The following RAD51B variants were observed in gnomAD, a reference collection of about 807,000 sequenced individuals.
RAD51B encodes DNA repair protein RAD51 homolog 2.
RAD51B carries 38 observed loss-of-function variants against 42.2 expected under a neutral mutation model. The observed-to-expected ratio is 0.90, with a 90% CI of 0.70 to 1.18. The LOEUF (loss-of-function observed/expected upper bound fraction) is 1.18. Among genes scored for constraint, RAD51B ranks in the 50% most tolerant of loss-of-function variants. The pLI, the probability that RAD51B is intolerant of heterozygous loss-of-function variation, is 0.00. For missense variants in RAD51B, 373 were observed against 400.7 expected (o/e 0.93, Z 0.59); for synonymous variants, 154 against 145.2 (o/e 1.06, Z -0.43).
chr14:67,981,116 G>A (rs1012918024), intron 7 of RAD51B, among the ~76,000 whole-genome samples: 6 of 152,196 alleles, frequency 3.9e-5, no homozygotes, highest in Non-Finnish European at 8.8e-5. Flanking sequence ...TTGGGAAGCC[G>A]AGGTGAGAGG....
chr14:68,502,818 ATCC>A (rs1190344551), intron 10 of RAD51B, among the ~76,000 whole-genome samples: 1 of 152,152 alleles, frequency 6.6e-6, no homozygotes, highest in Non-Finnish European at 1.5e-5. Context: ...GGAGACAAGA[ATCC>A]TCATTTAGAA....
chr14:68,445,390 C>A (rs1032897242), intron 9 of RAD51B, among the ~76,000 whole-genome samples: 5 of 152,130 alleles, frequency 3.3e-5, no homozygotes. Flanking sequence ...ACGACAGTAA[C>A]AATAATAGCT....
chr14:68,087,876 T>TA (rs1566634166), intron 7 of RAD51B, among the ~76,000 whole-genome samples: 31 of 79,928 alleles, frequency 3.9e-4, no homozygotes, highest in African/African-American at 2.1e-3. Flanking sequence ...AATATATTAT[T>TA]TATATAATTA....
At chr14:67,923,543 C>G (rs529001894) in intron 7 of RAD51B, among the ~76,000 whole-genome samples, 294 of 152,230 alleles carry the variant, frequency 1.9e-3, no homozygotes, top group Non-Finnish European at 3.7e-3. Context: ...AGGTGATCCG[C>G]CCACCTCAGC....
chr14:68,011,899 A>G (rs776622582), intron 7 of RAD51B, among the ~76,000 whole-genome samples: 5 of 152,134 alleles, frequency 3.3e-5, no homozygotes, highest in Non-Finnish European at 4.4e-5. Context: ...GCCAAGAATA[A>G]TAAACATTTT....
At chr14:68,644,300 C>T (rs1057189789) in intron 10 of RAD51B, among the ~76,000 whole-genome samples, 6 of 152,082 alleles carry the variant, frequency 3.9e-5, no homozygotes, top group Non-Finnish European at 1.5e-5. Context: ...GGTGTCTGCC[C>T]CCTTTCTGGT....
intron 7 of RAD51B, among the ~76,000 whole-genome samples, chr14:68,257,512 T>TTGA (rs1228942976): frequency 1.3e-5 from 2 of 152,142 alleles, no homozygotes; most frequent in African/African-American, 4.8e-5. Context: ...TTATGCTCAA[T>TTGA]TGATAATTTA....
intron 1 of RAD51B, among the ~76,000 whole-genome samples, chr14:67,823,269 A>G (rs2040695647): frequency 6.6e-6 from 1 of 152,230 alleles, no homozygotes. Context: ...TTCATGTAGT[A>G]AATATCAATT....
At chr14:68,545,235 C>T (rs150143333) in intron 10 of RAD51B, among the ~76,000 whole-genome samples, 51 of 152,348 alleles carry the variant, frequency 3.3e-4, no homozygotes, top group Non-Finnish European at 6.0e-4. Context: ...GGCAAAGACA[C>T]GGGGACAAAG....
chr14:68,162,990 G>A (rs935771435), intron 7 of RAD51B, among the ~76,000 whole-genome samples: 6 of 152,222 alleles, frequency 3.9e-5, no homozygotes, highest in African/African-American at 9.6e-5. Flanking sequence ...ACACTTCAGA[G>A]AAATCAACCT....
chr14:67,863,723 A>G (rs779696756), intron 4 of RAD51B, among the ~76,000 whole-genome samples: 10 of 152,202 alleles, frequency 6.6e-5, no homozygotes, highest in Non-Finnish European at 1.2e-4. Context: ...TTTGGGCGCC[A>G]CAACTAATGT....
At chr14:68,547,928 C>G (rs188198244) in intron 10 of RAD51B, among the ~76,000 whole-genome samples, 5 of 152,266 alleles carry the variant, frequency 3.3e-5, no homozygotes, top group Admixed American at 1.3e-4. Flanking sequence ...GAAGGAAACT[C>G]ACAAGGCATG....
At chr14:68,257,454 A>G (rs1404994979) in intron 7 of RAD51B, among the ~76,000 whole-genome samples, 1 of 152,188 alleles carries the variant, frequency 6.6e-6, no homozygotes, top group Non-Finnish European at 1.5e-5. Flanking sequence ...AAACTCCTTC[A>G]GTGTCTAAAA....
At chr14:68,333,466 T>C (rs2082387854) in intron 8 of RAD51B, among the ~76,000 whole-genome samples, 1 of 152,208 alleles carries the variant, frequency 6.6e-6, no homozygotes. Context: ...AAAGCCACTT[T>C]GAAGAACTAT....
intron 8 of RAD51B, among the ~76,000 whole-genome samples, chr14:68,404,413 C>T (rs1594788963): frequency 1.3e-5 from 2 of 152,254 alleles, no homozygotes; most frequent in Non-Finnish European, 2.9e-5. Flanking sequence ...AGGCAGATTC[C>T]TCCTACTTTA....
At chr14:67,902,302 T>C (rs1205543520) in intron 7 of RAD51B, among the ~76,000 whole-genome samples, 1 of 152,118 alleles carries the variant, frequency 6.6e-6, no homozygotes, top group Non-Finnish European at 1.5e-5. Flanking sequence ...ATAATAATTT[T>C]ATAGGGATGT....
intron 8 of RAD51B, among the ~76,000 whole-genome samples, chr14:68,330,294 A>C (rs2082323770): frequency 6.6e-6 from 1 of 152,238 alleles, no homozygotes; most frequent in Non-Finnish European, 1.5e-5. Context: ...AGATTGAAGG[A>C]AGAAAATAAA....
intron 7 of RAD51B, among the ~76,000 whole-genome samples, chr14:68,056,726 C>T (rs1194199929): frequency 3.3e-5 from 5 of 151,696 alleles, no homozygotes; most frequent in African/African-American, 9.7e-5. Flanking sequence ...CCAGCCTTGG[C>T]GACAGACCAA....
chr14:68,458,891 T>A (rs1207678943), intron 9 of RAD51B, among the ~76,000 whole-genome samples: 1 of 152,172 alleles, frequency 6.6e-6, no homozygotes, highest in African/African-American at 2.4e-5. Context: ...GCTCTTCTAT[T>A]ATGAGAAGGC....
Sources: gnomAD v4.1 joint callset for allele counts (sites outside exome capture counted in the v4.1 genomes callset) on GRCh38, gnomAD v4.1.1 for gene constraint, MANE v1.5 for transcripts, NCBI Gene and HGNC (gene_info 2026-07-23, HGNC 2026-07-21) for gene names.